Variants in CHN2 observed in about 807,000 individuals in gnomAD.
The protein encoded by CHN2 is beta-chimaerin.
In CHN2, 35 loss-of-function variants were observed where a neutral mutation model predicts 56.3. The observed-to-expected ratio is 0.62, with a 90% confidence interval of 0.47 to 0.82. The LOEUF (loss-of-function observed/expected upper bound fraction) is 0.82. CHN2 is among the 40% of genes least tolerant of loss of function. CHN2 has a pLI of 0.00. For synonymous variants in CHN2, 210 were observed against 212.8 expected (o/e 0.99, Z 0.12); for missense variants, 491 against 580.5 (o/e 0.85, Z 1.58).
intron 6 of CHN2, among the ~76,000 whole-genome samples, chr7:29,406,892 G>A (rs1802694839): frequency 6.6e-6 from 1 of 152,102 alleles, no homozygotes; most frequent in African/African-American, 2.4e-5. Context: ...TAATTCTAAC[G>A]CCCTCCACCT....
At chr7:29,250,444 T>C (rs1788402191) in intron 1 of CHN2, among the ~76,000 whole-genome samples, 2 of 152,172 alleles carry the variant, frequency 1.3e-5, no homozygotes, top group African/African-American at 4.8e-5. Flanking sequence ...GCTTCACCCA[T>C]GTAAGGAGTG....
intron 2 of CHN2, among the ~76,000 whole-genome samples, chr7:29,161,463 T>C (rs572167922): frequency 4.3e-4 from 65 of 152,270 alleles, no homozygotes; most frequent in African/African-American, 1.5e-3. Context: ...CCTCTACTTA[T>C]CTCGAACCCC....
chr7:29,401,900 T>C (rs1802241219), intron 6 of CHN2, among the ~76,000 whole-genome samples: 1 of 152,202 alleles, frequency 6.6e-6, no homozygotes, highest in Admixed American at 6.5e-5. Context: ...GTCCTATCTG[T>C]TTCCCACTGA....
intron 2 of CHN2, among the ~76,000 whole-genome samples, chr7:29,358,712 C>T (rs925090653): frequency 1.3e-5 from 2 of 152,180 alleles, no homozygotes; most frequent in Non-Finnish European, 2.9e-5. Context: ...GATCTGCCCG[C>T]CTCGGCCTCC....
intron 3 of CHN2, among the ~76,000 whole-genome samples, chr7:29,388,576 T>C (rs1801119602): frequency 6.6e-6 from 1 of 152,196 alleles, no homozygotes; most frequent in Non-Finnish European, 1.5e-5. Context: ...AGTATAGAAA[T>C]AGGTAACTTG....
rs1785097319 is a variant in CHN2, at chr7:29,213,320, G to A, written c.49+18330G>A. 12 of 722,556 alleles carry A rather than the reference G, an allele frequency of 1.7e-5. 1 individual carries two copies. The South Asian group carries it at 1.9e-4, about 11-fold the overall frequency. The allele number at this position is 722,556 out of a possible 1,614,324, so 44.8% of individuals were successfully genotyped here. On this transcript the variant is annotated intron_variant, in intron 1 of 12. Transcript: ENST00000222792. ...AGGATTTTTCTTGTATGGAAACCAT[G>A]TGTTCTGGCTTCCATTATGCCTATC...
chr7:29,412,498 A>G (rs570621198), intron 6 of CHN2, among the ~76,000 whole-genome samples: 1 of 151,846 alleles, frequency 6.6e-6, no homozygotes, highest in Admixed American at 6.6e-5. Flanking sequence ...CACCCAGCTA[A>G]TTTTTGTATT....
At chr7:29,285,325 A>G (rs1792063968) in intron 1 of CHN2, among the ~76,000 whole-genome samples, 1 of 152,250 alleles carries the variant, frequency 6.6e-6, no homozygotes, top group Non-Finnish European at 1.5e-5. Flanking sequence ...CATTAAAGAC[A>G]GTTCTCACGT....
chr7:29,324,879 C>G (rs938631035), intron 1 of CHN2, among the ~76,000 whole-genome samples: 66 of 152,130 alleles, frequency 4.3e-4, no homozygotes, highest in African/African-American at 1.6e-3. Context: ...TTAAATATTC[C>G]CTGGGATAAG....
intron 1 of CHN2, among the ~76,000 whole-genome samples, chr7:29,259,093 G>A (rs955500160): frequency 6.6e-6 from 1 of 151,838 alleles, no homozygotes; most frequent in Non-Finnish European, 1.5e-5. Flanking sequence ...TTTGGGAGGC[G>A]GAGGCATGCA....
intron 1 of CHN2, among the ~76,000 whole-genome samples, chr7:29,352,732 A>G (rs1160380660): frequency 6.6e-6 from 1 of 152,112 alleles, no homozygotes; most frequent in East Asian, 1.9e-4. Flanking sequence ...CAAAAAACAA[A>G]CAAACAAAAA....
intron 6 of CHN2, among the ~76,000 whole-genome samples, chr7:29,475,507 T>C (rs1186730401): frequency 6.6e-6 from 1 of 152,184 alleles, no homozygotes; most frequent in Admixed American, 6.5e-5. Context: ...TTTAAAAGCA[T>C]AGATTTAGTG....
chr7:29,370,677 C>T (rs925468145), intron 3 of CHN2, among the ~76,000 whole-genome samples: 2 of 152,080 alleles, frequency 1.3e-5, no homozygotes, highest in Non-Finnish European at 2.9e-5. Context: ...GCCAGTTCAA[C>T]GTGATAAATA....
chr7:29,510,139 G>A (rs996833611), intron 12 of CHN2, among the ~76,000 whole-genome samples: 1 of 152,166 alleles, frequency 6.6e-6, no homozygotes, highest in Non-Finnish European at 1.5e-5. Flanking sequence ...TTTTCTGGAT[G>A]TGTGAGTTCT....
Position 29,403,005 on chromosome 7 carries a change from C to A in CHN2, c.576+2177C>A, listed in dbSNP as rs561905562. 5.9e-5 allele frequency among the ~76,000 whole-genome samples: 9 copies of A among 152,074 alleles called. No homozygotes were observed. In the South Asian group the frequency reaches 1.9e-3, roughly 32 times the overall value. On this transcript the variant is annotated intron_variant, in intron 6 of 12. Coordinates refer to ENST00000222792, the MANE Select transcript of CHN2 (RefSeq NM_004067.4). ...CAAGAAAATATTGCAGGAAGACACC[C>A]CAACTCTCTGAGCAGTTTGATGGAC...
chr7:29,218,448 A>C (rs1419151305), intron 1 of CHN2, among the ~76,000 whole-genome samples: 1 of 152,172 alleles, frequency 6.6e-6, no homozygotes, highest in Non-Finnish European at 1.5e-5. Context: ...CCATCCCATT[A>C]CTGGGTATAT....
chr7:29,209,795 G>A (rs111285587), intron 1 of CHN2, among the ~76,000 whole-genome samples: 4 of 152,232 alleles, frequency 2.6e-5, no homozygotes, highest in Non-Finnish European at 4.4e-5. Flanking sequence ...CCTACAAACG[G>A]TCAAGTCCAG....
chr7:29,457,109 C>T (rs1041917527), intron 6 of CHN2, among the ~76,000 whole-genome samples: 7 of 152,192 alleles, frequency 4.6e-5, no homozygotes, highest in South Asian at 4.1e-4. Context: ...GGAGCTAGCA[C>T]GGGCGATGGC....
chr7:29,441,494 A>G (rs1435279250), intron 6 of CHN2, among the ~76,000 whole-genome samples: 13 of 152,246 alleles, frequency 8.5e-5, no homozygotes, highest in Admixed American at 8.5e-4. Context: ...TTTGTACATC[A>G]AAGGATATTG....
Sources: allele counts gnomAD v4.1 joint callset (sites outside exome capture counted in the v4.1 genomes callset), GRCh38; gene constraint gnomAD v4.1.1; transcripts MANE v1.5; gene names NCBI Gene and HGNC (gene_info 2026-07-23, HGNC 2026-07-21).